Variants in AGBL4 observed in about 807,000 individuals in gnomAD.
AGBL4 encodes AGBL carboxypeptidase 4, also known as cytosolic carboxypeptidase 6.
A neutral mutation model predicts 66.4 loss-of-function variants in AGBL4; 58 were observed. That is an observed-to-expected ratio of 0.87 (90% CI 0.71 to 1.09). The LOEUF is 1.09. Among genes scored for constraint, AGBL4 ranks in the 50% least tolerant of loss-of-function variants. The pLI is 0.00. For synonymous variants in AGBL4, 234 were observed against 222.9 expected, an observed-to-expected ratio of 1.05 and a Z score of -0.44; for missense variants, 579 against 631.0, an observed-to-expected ratio of 0.92 and a Z score of 0.88.
intron 3 of AGBL4, among the ~76,000 whole-genome samples, chr1:49,321,773 G>C (rs1645136712): frequency 6.6e-6 from 1 of 152,162 alleles, no homozygotes; most frequent in African/African-American, 2.4e-5. Context: ...ACTATACCGA[G>C]TTCTCCTTTC....
intron 3 of AGBL4, among the ~76,000 whole-genome samples, chr1:49,467,432 G>T (rs1346397463): frequency 1.3e-5 from 2 of 151,732 alleles, no homozygotes; most frequent in East Asian, 3.9e-4. Flanking sequence ...TCTAGCTTGG[G>T]TAAGTCCCTT....
At chr1:49,692,139 G>A (rs530945231) in intron 3 of AGBL4, among the ~76,000 whole-genome samples, 2 of 152,232 alleles carry the variant, frequency 1.3e-5, no homozygotes, top group South Asian at 4.1e-4. Flanking sequence ...AACCATATTA[G>A]TAGTCTCTTT....
At chr1:49,308,391 T>C (rs1644885944) in intron 3 of AGBL4, among the ~76,000 whole-genome samples, 1 of 152,144 alleles carries the variant, frequency 6.6e-6, no homozygotes, top group Non-Finnish European at 1.5e-5. Context: ...TATGTAATAA[T>C]TGATACATTT....
intron 3 of AGBL4, among the ~76,000 whole-genome samples, chr1:49,379,777 T>G (rs1644555025): frequency 6.6e-6 from 1 of 152,092 alleles, no homozygotes; most frequent in Non-Finnish European, 1.5e-5. Flanking sequence ...TGGATTCAGT[T>G]TGCCAGTATT....
At chr1:49,253,712 A>G (rs1652252289) in intron 3 of AGBL4, among the ~76,000 whole-genome samples, 1 of 146,114 alleles carries the variant, frequency 6.8e-6, no homozygotes, top group African/African-American at 2.5e-5. Context: ...GGCAGAGACA[A>G]AAAAAAAAAA....
intron 1 of AGBL4, among the ~76,000 whole-genome samples, chr1:49,958,118 A>C (rs1295125140): frequency 6.6e-6 from 1 of 152,002 alleles, no homozygotes; most frequent in African/African-American, 2.4e-5. Context: ...TTCACTTATG[A>C]AGCTTAGTTT....
intron 3 of AGBL4, among the ~76,000 whole-genome samples, chr1:49,402,328 A>G (rs1311647096): frequency 1.3e-5 from 2 of 151,986 alleles, no homozygotes; most frequent in Non-Finnish European, 2.9e-5. Flanking sequence ...AAAACTTTCC[A>G]CTTCACACAG....
chr1:49,143,453 AATTCTGTCT>A (rs1266650538), intron 4 of AGBL4, among the ~76,000 whole-genome samples: 2 of 152,164 alleles, frequency 1.3e-5, no homozygotes, highest in Non-Finnish European at 2.9e-5. Flanking sequence ...CATTTGGTGT[AATTCTGTCT>A]ATTCTGTCTA....
chr1:48,665,061 T>G (rs1570178173), intron 6 of AGBL4, among the ~76,000 whole-genome samples: 1 of 152,204 alleles, frequency 6.6e-6, no homozygotes, highest in Admixed American at 6.5e-5. Context: ...ATATTAACCC[T>G]ATTAAACCTG....
At chr1:49,781,161 G>A (rs1019286445) in intron 2 of AGBL4, among the ~76,000 whole-genome samples, 9 of 152,104 alleles carry the variant, frequency 5.9e-5, no homozygotes, top group African/African-American at 9.7e-5. Context: ...GGGCCAAAGC[G>A]GGAGGACTGA....
At chr1:48,602,438 C>T (rs900244339) in intron 9 of AGBL4, among the ~76,000 whole-genome samples, 2 of 152,090 alleles carry the variant, frequency 1.3e-5, no homozygotes, top group Admixed American at 6.6e-5. Context: ...TTTCATTTGG[C>T]CTCTAATTGA....
chr1:49,411,632 A>G (rs1238477906), intron 3 of AGBL4, among the ~76,000 whole-genome samples: 2 of 152,342 alleles, frequency 1.3e-5, no homozygotes, highest in African/African-American at 4.8e-5. Context: ...AAATATATGG[A>G]ATAAAAATAG....
chr1:49,535,108 C>T (rs1391953363), intron 3 of AGBL4, among the ~76,000 whole-genome samples: 1 of 151,988 alleles, frequency 6.6e-6, no homozygotes, highest in African/African-American at 2.4e-5. Context: ...GTACATGAAA[C>T]AGTATATTAT....
chr1:49,118,901 C>A (rs1413118221), intron 4 of AGBL4, among the ~76,000 whole-genome samples: 1 of 152,146 alleles, frequency 6.6e-6, no homozygotes, highest in Admixed American at 6.5e-5. Flanking sequence ...TTCAGAGATT[C>A]AACTTCGTCT....
At chr1:48,649,990 G>C (rs558354762) in intron 8 of AGBL4, among the ~76,000 whole-genome samples, 1 of 152,194 alleles carries the variant, frequency 6.6e-6, no homozygotes, top group Admixed American at 6.5e-5. Flanking sequence ...AATCTGACCT[G>C]ACACCCAAGT....
intron 3 of AGBL4, among the ~76,000 whole-genome samples, chr1:49,684,626 G>A (rs1174733517): frequency 6.6e-6 from 1 of 152,026 alleles, no homozygotes; most frequent in Non-Finnish European, 1.5e-5. Context: ...CCATTCTAAG[G>A]CCAACTCTAT....
chr1:49,408,498 CATTTG>C (rs1645250325), intron 3 of AGBL4, among the ~76,000 whole-genome samples: 1 of 152,180 alleles, frequency 6.6e-6, no homozygotes. Context: ...AGGAGATTAA[CATTTG>C]AGTCAGTGGA....
chr1:48,571,584 C>T (rs1644564673), intron 11 of AGBL4, among the ~76,000 whole-genome samples: 1 of 152,200 alleles, frequency 6.6e-6, no homozygotes, highest in African/African-American at 2.4e-5. Context: ...GAGGCCACTG[C>T]CTCCTACTGG....
chr1:49,412,407 T>G (rs1281579726), intron 3 of AGBL4, among the ~76,000 whole-genome samples: 1 of 152,162 alleles, frequency 6.6e-6, no homozygotes. Flanking sequence ...TCCAGCCTCA[T>G]GACTTAATCA....
Sources: gnomAD v4.1 joint callset for allele counts (sites outside exome capture counted in the v4.1 genomes callset) on GRCh38, gnomAD v4.1.1 for gene constraint, MANE v1.5 for transcripts, NCBI Gene and HGNC (gene_info 2026-07-23, HGNC 2026-07-21) for gene names.